CHCHD6: variants seen among roughly 807,000 people sequenced by gnomAD.
CHCHD6 encodes the protein coiled-coil-helix-coiled-coil-helix domain containing 6, also known as MICOS complex subunit MIC25.
In CHCHD6, 28 loss-of-function variants were observed where a neutral mutation model predicts 32.3. The observed-to-expected ratio is 0.87, with a 90% CI of 0.64 to 1.19. The LOEUF (loss-of-function observed/expected upper bound fraction) is 1.19, where lower values mean the gene tolerates loss of function less well. Among genes scored for constraint, CHCHD6 ranks in the 50% most tolerant of loss-of-function variants. The probability of loss-of-function intolerance (pLI) is 0.00; values close to 1 mark genes in which losing one functional copy is unlikely to be tolerated. For synonymous variants in CHCHD6, 122 were observed against 117.5 expected (o/e 1.04, Z -0.25); for missense variants, 333 against 307.0 (o/e 1.08, Z -0.63).
At chr3:126,735,951 C>A (rs1355345623) in intron 4 of CHCHD6, among the ~76,000 whole-genome samples, 1 of 152,078 alleles carries the variant, frequency 6.6e-6, no homozygotes, top group African/African-American at 2.4e-5. Flanking sequence ...ATACTCAGTA[C>A]AAACAGAGGA....
chr3:126,727,436 A>C (rs1374890101), intron 2 of CHCHD6, among the ~76,000 whole-genome samples: 1 of 152,258 alleles, frequency 6.6e-6, no homozygotes, highest in Non-Finnish European at 1.5e-5. Flanking sequence ...GAATTGAGGC[A>C]GAAGGACCTG....
At position 126,826,106 on chromosome 3, in the gene CHCHD6, G is replaced by A. The variant is rs924833030; in HGVS notation, c.412-26541G>A. 3.9e-5 allele frequency among the ~76,000 whole-genome samples: 6 copies of A among 152,268 alleles called. No individual in the cohort carries two copies. The East Asian group carries it at 7.7e-4, about 20-fold the overall frequency. On this transcript the variant is annotated intron_variant, in intron 4 of 7. Transcript: ENST00000290913. ...TCCCCCTTCATCAAATGAAGTAGCC[G>A]GGTAAAGCCTTTATTTGAATGATTC...
intron 4 of CHCHD6, among the ~76,000 whole-genome samples, chr3:126,757,759 CA>C (rs1183540855): frequency 6.6e-6 from 1 of 152,142 alleles, no homozygotes; most frequent in Non-Finnish European, 1.5e-5. Flanking sequence ...GATTGGTGAG[CA>C]CCTACGTACC....
intron 4 of CHCHD6, among the ~76,000 whole-genome samples, chr3:126,807,546 C>CT (rs1267120606): frequency 6.6e-6 from 1 of 152,024 alleles, no homozygotes; most frequent in East Asian, 1.9e-4. Context: ...CTCAGGAGGT[C>CT]AAGCATCCAA....
At chr3:126,810,487 T>G (rs912679069) in intron 4 of CHCHD6, among the ~76,000 whole-genome samples, 2 of 152,118 alleles carry the variant, frequency 1.3e-5, no homozygotes, top group Non-Finnish European at 2.9e-5. Flanking sequence ...GATAGACTAT[T>G]TATGTGCTAT....
chr3:126,706,605 A>T (rs1363759850), intron 1 of CHCHD6, among the ~76,000 whole-genome samples: 1 of 152,134 alleles, frequency 6.6e-6, no homozygotes, highest in Non-Finnish European at 1.5e-5. Flanking sequence ...ACTTGTCCAG[A>T]GGTGCACAGT....
chr3:126,928,971 CTG>C (rs2078363169), intron 6 of CHCHD6, among the ~76,000 whole-genome samples: 1 of 152,238 alleles, frequency 6.6e-6, no homozygotes, highest in Admixed American at 6.5e-5. Context: ...CATTTCATCT[CTG>C]TATAGCCCTG....
chr3:126,813,697 C>T (rs559545011), intron 4 of CHCHD6, among the ~76,000 whole-genome samples: 1 of 152,320 alleles, frequency 6.6e-6, no homozygotes, highest in East Asian at 1.9e-4. Context: ...CCTTGGATGC[C>T]CATCAGCTGG....
chr3:126,743,562 G>A (rs1936369516), intron 4 of CHCHD6, among the ~76,000 whole-genome samples: 1 of 152,186 alleles, frequency 6.6e-6, no homozygotes, highest in South Asian at 2.1e-4. Flanking sequence ...TGACTAAAGA[G>A]GCTGACAGCT....
At chr3:126,889,472 C>T (rs572496468) in intron 5 of CHCHD6, among the ~76,000 whole-genome samples, 75 of 152,246 alleles carry the variant, frequency 4.9e-4, no homozygotes, top group African/African-American at 1.6e-3. Flanking sequence ...AACCTGGTGC[C>T]CTTGGTACTC....
At chr3:126,940,469 GTTTTC>G (rs150552048) in intron 6 of CHCHD6, among the ~76,000 whole-genome samples, 3,836 of 152,156 alleles carry the variant, frequency 0.025, 59 homozygotes, top group Middle Eastern at 0.061. Context: ...TCCTTGTGTG[GTTTTC>G]TACGTTTTAT....
intron 4 of CHCHD6, among the ~76,000 whole-genome samples, chr3:126,842,929 T>G (rs1433029023): frequency 6.6e-6 from 1 of 151,946 alleles, no homozygotes; most frequent in Non-Finnish European, 1.5e-5. Context: ...TCTAGAAATA[T>G]GTCTGTTAAA....
intron 1 of CHCHD6, among the ~76,000 whole-genome samples, chr3:126,720,500 G>GGCCT (rs1559803129): frequency 6.6e-6 from 1 of 152,130 alleles, no homozygotes; most frequent in Non-Finnish European, 1.5e-5. Flanking sequence ...TCCCTCAAAG[G>GGCCT]GCCTGGTTTG....
chr3:126,820,037 A>G (rs977726563), intron 4 of CHCHD6, among the ~76,000 whole-genome samples: 1 of 152,116 alleles, frequency 6.6e-6, no homozygotes, highest in Non-Finnish European at 1.5e-5. Context: ...TACTTACTGT[A>G]TATTCTTGAT....
intron 6 of CHCHD6, among the ~76,000 whole-genome samples, chr3:126,944,775 G>A (rs2078611044): frequency 6.6e-6 from 1 of 152,230 alleles, no homozygotes; most frequent in Admixed American, 6.5e-5. Context: ...ATTGGAGAAG[G>A]AGTCAAGAGT....
At chr3:126,734,633 G>A (rs1429835790) in intron 4 of CHCHD6, among the ~76,000 whole-genome samples, 1 of 152,202 alleles carries the variant, frequency 6.6e-6, no homozygotes, top group Non-Finnish European at 1.5e-5. Flanking sequence ...GACAAACTAA[G>A]AACTTTGAAA....
chr3:126,778,211 T>C (rs1432751270), intron 4 of CHCHD6, among the ~76,000 whole-genome samples: 2 of 152,234 alleles, frequency 1.3e-5, no homozygotes, highest in African/African-American at 4.8e-5. Context: ...TTAGCTACTA[T>C]GAATAGTGCT....
chr3:126,743,500 G>T (rs1035722593), intron 4 of CHCHD6, among the ~76,000 whole-genome samples: 3 of 152,180 alleles, frequency 2.0e-5, no homozygotes, highest in Non-Finnish European at 4.4e-5. Flanking sequence ...TGGTGTCACT[G>T]CTTCTAATTA....
intron 4 of CHCHD6, among the ~76,000 whole-genome samples, chr3:126,785,941 T>C (rs185205242): frequency 3.3e-5 from 5 of 152,354 alleles, no homozygotes; most frequent in Non-Finnish European, 7.3e-5. Flanking sequence ...ACTTGTCATT[T>C]ACATTAGGTA....
Sources: allele counts gnomAD v4.1 joint callset (sites outside exome capture counted in the v4.1 genomes callset), GRCh38; gene constraint gnomAD v4.1.1; transcripts MANE v1.5; gene names NCBI Gene and HGNC (gene_info 2026-07-23, HGNC 2026-07-21).